ADGRL2: variants seen among roughly 807,000 people sequenced by gnomAD.
ADGRL2 encodes the protein calcium-independent alpha-latrotoxin receptor 2.
A neutral mutation model predicts 157.4 loss-of-function variants in ADGRL2; 44 were observed. That is an observed-to-expected ratio of 0.28 (90% CI 0.22 to 0.36). The LOEUF is 0.36. ADGRL2 is among the 10% of genes least tolerant of loss of function. The probability of loss-of-function intolerance (pLI) is 1.00; values close to 1 mark genes in which losing one functional copy is unlikely to be tolerated. For missense variants in ADGRL2, 1,510 were observed against 1,768.9 expected, an observed-to-expected ratio of 0.85 and a Z score of 2.63; for synonymous variants, 585 against 624.7, an observed-to-expected ratio of 0.94 and a Z score of 0.95.
intron 1 of ADGRL2, among the ~76,000 whole-genome samples, chr1:81,709,635 G>C (rs2083857710): frequency 6.6e-6 from 1 of 151,798 alleles, no homozygotes; most frequent in South Asian, 2.1e-4. Context: ...GCTATGGGTT[G>C]ACCTAGCTGA....
chr1:81,577,407 G>T (rs2080819360), intron 2 of ADGRL2, among the ~76,000 whole-genome samples: 1 of 152,134 alleles, frequency 6.6e-6, no homozygotes, highest in Non-Finnish European at 1.5e-5. Context: ...TCTTCTCTGT[G>T]TGTGCATTGT....
intron 3 of ADGRL2, among the ~76,000 whole-genome samples, chr1:81,918,315 G>A (rs2094905853): frequency 6.6e-6 from 1 of 152,144 alleles, no homozygotes; most frequent in South Asian, 2.1e-4. Context: ...AGATATGTGG[G>A]TAGTGGAAGA....
At chr1:81,847,258 A>G (rs745346188) in intron 2 of ADGRL2, among the ~76,000 whole-genome samples, 1 of 151,968 alleles carries the variant, frequency 6.6e-6, no homozygotes, top group Non-Finnish European at 1.5e-5. Context: ...TAATGTGCAT[A>G]TAAATCACTC....
chr1:81,848,350 A>G (rs1229709215), intron 2 of ADGRL2, among the ~76,000 whole-genome samples: 1 of 151,786 alleles, frequency 6.6e-6, no homozygotes, highest in Admixed American at 6.6e-5. Flanking sequence ...TGGACTTTGA[A>G]TCACAGCTTG....
intron 2 of ADGRL2, among the ~76,000 whole-genome samples, chr1:81,852,625 G>C (rs576621564): frequency 1.3e-5 from 2 of 152,164 alleles, no homozygotes; most frequent in South Asian, 2.1e-4. Context: ...CCATGGATTT[G>C]AGTAAAAATT....
At chr1:81,703,370 C>T (rs761365491) in intron 1 of ADGRL2, among the ~76,000 whole-genome samples, 2 of 152,120 alleles carry the variant, frequency 1.3e-5, no homozygotes, top group Non-Finnish European at 2.9e-5. Context: ...ATTAATGGAA[C>T]AGGAGTTGGG....
intron 3 of ADGRL2, among the ~76,000 whole-genome samples, chr1:81,933,000 C>G (rs959595753): frequency 6.6e-6 from 1 of 152,106 alleles, no homozygotes; most frequent in Non-Finnish European, 1.5e-5. Context: ...CCGTGCCTGG[C>G]CAATAATTTG....
At chr1:81,438,585 C>T (rs2077451944) in intron 1 of ADGRL2, among the ~76,000 whole-genome samples, 2 of 152,080 alleles carry the variant, frequency 1.3e-5, no homozygotes, top group African/African-American at 2.4e-5. Flanking sequence ...TTTAAACCAC[C>T]ATATCAGAAA....
chr1:81,461,206 G>A (rs1228358337), intron 2 of ADGRL2, among the ~76,000 whole-genome samples: 4 of 152,100 alleles, frequency 2.6e-5, no homozygotes, highest in African/African-American at 9.7e-5. Flanking sequence ...CCAGAAAATA[G>A]AACTAAATGT....
intron 2 of ADGRL2, among the ~76,000 whole-genome samples, chr1:81,767,435 C>G (rs571302605): frequency 6.6e-6 from 1 of 152,004 alleles, no homozygotes; most frequent in Non-Finnish European, 1.5e-5. Context: ...TTTTACTTGT[C>G]GTAACTAGAA....
intron 3 of ADGRL2, among the ~76,000 whole-genome samples, chr1:81,686,864 T>A (rs1246223390): frequency 1.3e-5 from 2 of 152,200 alleles, no homozygotes; most frequent in Non-Finnish European, 2.9e-5. Flanking sequence ...GAATAATTTT[T>A]AAATTTCCAT....
intron 1 of ADGRL2, among the ~76,000 whole-genome samples, chr1:81,757,346 A>G (rs142949200): frequency 6.6e-6 from 1 of 152,150 alleles, no homozygotes; most frequent in Non-Finnish European, 1.5e-5. Context: ...GGGACCCTGT[A>G]CTTCTATATT....
At chr1:81,944,527 A>G (rs568395678) in intron 6 of ADGRL2, among the ~76,000 whole-genome samples, 55 of 152,208 alleles carry the variant, frequency 3.6e-4, no homozygotes, top group African/African-American at 1.3e-3. Context: ...TGATAAACGA[A>G]TACTTCATTA....
chr1:81,617,579 C>T (rs1185206268), intron 3 of ADGRL2, among the ~76,000 whole-genome samples: 1 of 152,216 alleles, frequency 6.6e-6, no homozygotes, highest in East Asian at 1.9e-4. Flanking sequence ...TGAGTACTTG[C>T]TTTCCACCTG....
chr1:81,767,419 A>G (rs1164136812), intron 2 of ADGRL2, among the ~76,000 whole-genome samples: 1 of 152,168 alleles, frequency 6.6e-6, no homozygotes, highest in Admixed American at 6.5e-5. Context: ...CAATATCTGC[A>G]AACATTTTTA....
rs189978023 is a variant in ADGRL2, at chr1:81,406,088, C to T, written c.-301-38948C>T. ...ACATTAAAGTATTTTGAATATTGCT[C>T]TCTTTACTGAGATCAGAACAAGAGG... On this transcript the variant is annotated intron_variant, in intron 1 of 24. Coordinates refer to the ADGRL2 transcript ENST00000370721. 4.9e-4 allele frequency among the ~76,000 whole-genome samples: 74 copies of T among 152,250 alleles called. No individual in the cohort carries two copies. In the East Asian group the frequency reaches 0.013, roughly 27 times the overall value.
At chr1:81,526,483 T>A (rs2079458916) in intron 2 of ADGRL2, among the ~76,000 whole-genome samples, 1 of 152,208 alleles carries the variant, frequency 6.6e-6, no homozygotes, top group Admixed American at 6.5e-5. Context: ...TACAATTAAG[T>A]TAACCTTTTA....
At chr1:81,942,551 T>G (rs1378514381) in intron 5 of ADGRL2, among the ~76,000 whole-genome samples, 2 of 151,930 alleles carry the variant, frequency 1.3e-5, no homozygotes, top group Admixed American at 1.3e-4. Context: ...TTTATTTGCC[T>G]TATTTCATGG....
At chr1:81,364,644 T>G (rs1279548485) in intron 1 of ADGRL2, among the ~76,000 whole-genome samples, 2 of 151,988 alleles carry the variant, frequency 1.3e-5, no homozygotes, top group Admixed American at 1.3e-4. Context: ...CCACCAGAAT[T>G]CTTCACAAGC....
Sources: gnomAD v4.1 joint callset for allele counts (sites outside exome capture counted in the v4.1 genomes callset) on GRCh38, gnomAD v4.1.1 for gene constraint, MANE v1.5 for transcripts, NCBI Gene and HGNC (gene_info 2026-07-23, HGNC 2026-07-21) for gene names.